MAPK10: variants seen among roughly 807,000 people sequenced by gnomAD.
The protein encoded by MAPK10 is JNK3 alpha protein kinase.
Under a neutral mutation model 59.3 loss-of-function variants are expected in MAPK10, and 25 were observed. That is an observed-to-expected ratio of 0.42 (90% confidence interval 0.31 to 0.59). The LOEUF (loss-of-function observed/expected upper bound fraction) is 0.59. MAPK10 is among the 20% of genes least tolerant of loss of function. MAPK10 has a pLI of 0.15. For missense variants in MAPK10, 351 were observed against 568.9 expected (o/e 0.62, Z 3.90); for synonymous variants, 190 against 200.5 (o/e 0.95, Z 0.44).
chr4:86,439,770 G>A (rs1749202184), intron 1 of MAPK10, among the ~76,000 whole-genome samples: 1 of 152,060 alleles, frequency 6.6e-6, no homozygotes, highest in African/African-American at 2.4e-5. Context: ...AGTCAGGTTT[G>A]TTTGTTTCTT....
At chr4:86,558,538 A>G (rs1401930864) in intron 1 of MAPK10, among the ~76,000 whole-genome samples, 2 of 152,288 alleles carry the variant, frequency 1.3e-5, no homozygotes, top group East Asian at 3.9e-4. Flanking sequence ...TGTGAGCTTC[A>G]AAACGGCTCA....
intron 1 of MAPK10, among the ~76,000 whole-genome samples, chr4:86,365,879 A>C (rs1737797964): frequency 6.6e-6 from 1 of 152,204 alleles, no homozygotes; most frequent in African/African-American, 2.4e-5. Context: ...AAGAGTCTTA[A>C]ATAAGTCAAT....
At chr4:86,510,672 A>G (rs567632351) in intron 1 of MAPK10, among the ~76,000 whole-genome samples, 1 of 152,274 alleles carries the variant, frequency 6.6e-6, no homozygotes, top group South Asian at 2.1e-4. Flanking sequence ...TGTCATGTAT[A>G]TAGATATACT....
At chr4:86,396,132 G>A (rs1742898137) in intron 1 of MAPK10, among the ~76,000 whole-genome samples, 2 of 152,200 alleles carry the variant, frequency 1.3e-5, no homozygotes, top group African/African-American at 2.4e-5. Context: ...GATCACCTGA[G>A]GCCAGGAGAT....
chr4:86,083,700 C>G (rs2051155172), intron 9 of MAPK10, among the ~76,000 whole-genome samples: 1 of 152,104 alleles, frequency 6.6e-6, no homozygotes, highest in African/African-American at 2.4e-5. Context: ...GGCATGTGAC[C>G]TACTGAGATA....
intron 2 of MAPK10, among the ~76,000 whole-genome samples, chr4:86,353,397 C>T (rs367686551): frequency 6.6e-6 from 1 of 152,132 alleles, no homozygotes; most frequent in Admixed American, 6.6e-5. Flanking sequence ...ATGGAGAGAA[C>T]ATGGTATGCT....
intron 1 of MAPK10, among the ~76,000 whole-genome samples, chr4:86,485,657 G>T (rs1396173815): frequency 2.0e-5 from 3 of 152,212 alleles, no homozygotes; most frequent in Non-Finnish European, 4.4e-5. Context: ...ACAGTAGATG[G>T]TATAGACTGA....
chr4:86,100,100 CTGAT>C (rs2055059256), intron 8 of MAPK10: 1 of 152,094 alleles, frequency 6.6e-6, no homozygotes, highest in Non-Finnish European at 1.5e-5. Context: ...TAAAAATACA[CTGAT>C]TATTTTTATA....
At chr4:86,588,560 T>G (rs983007508) in intron 1 of MAPK10, among the ~76,000 whole-genome samples, 2 of 152,168 alleles carry the variant, frequency 1.3e-5, no homozygotes, top group African/African-American at 4.8e-5. Flanking sequence ...GCATGGACAT[T>G]TATTTTGTTT....
At chr4:86,329,998 G>A (rs1204888313) in intron 2 of MAPK10, among the ~76,000 whole-genome samples, 4 of 152,088 alleles carry the variant, frequency 2.6e-5, no homozygotes, top group Admixed American at 2.0e-4. Flanking sequence ...CCTAATTCAG[G>A]AAAGTTCAGT....
chr4:86,362,242 G>A (rs1034213093), upstream of MAPK10, among the ~76,000 whole-genome samples: 1 of 152,060 alleles, frequency 6.6e-6, no homozygotes, highest in Non-Finnish European at 1.5e-5. Flanking sequence ...AAAAAGGAAC[G>A]CCATCTCTTA....
intron 1 of MAPK10, among the ~76,000 whole-genome samples, chr4:86,579,942 T>C (rs766457933): frequency 7.2e-5 from 11 of 152,116 alleles, no homozygotes; most frequent in Admixed American, 1.3e-4. Flanking sequence ...GCCTCCCAAG[T>C]AGTTGGGACT....
intron 2 of MAPK10, among the ~76,000 whole-genome samples, chr4:86,269,572 C>G (rs1441496845): frequency 6.6e-6 from 1 of 152,132 alleles, no homozygotes; most frequent in East Asian, 1.9e-4. Flanking sequence ...CACCTACTCT[C>G]TCGCCTCTAT....
chr4:86,261,125 C>T (rs764846709), intron 2 of MAPK10, among the ~76,000 whole-genome samples: 3 of 152,074 alleles, frequency 2.0e-5, no homozygotes, highest in Non-Finnish European at 4.4e-5. Context: ...AATGTTTTAG[C>T]GCTTTGCAAA....
chr4:86,073,230 G>A (rs1471652451), intron 9 of MAPK10, among the ~76,000 whole-genome samples: 2,028 of 135,042 alleles, frequency 0.015, 15 homozygotes, highest in African/African-American at 0.053. Flanking sequence ...CTGTGGGATC[G>A]GTGGTGATAT....
chr4:86,078,942 T>A (rs1413657709), intron 9 of MAPK10, among the ~76,000 whole-genome samples: 1 of 152,024 alleles, frequency 6.6e-6, no homozygotes, highest in African/African-American at 2.4e-5. Flanking sequence ...TAAGCAGAGG[T>A]AGCACCATTG....
Position 86,443,704 on chromosome 4 carries a change from C to T in MAPK10, c.-122+9326G>A, listed in dbSNP as rs1177948961. The stretch of plus-strand genomic sequence containing the variant: ...GTTCCTGCTACACAGTACATCACGT[C>T]CACCTTTCAGCAAACAGTCCAGGGC... On this transcript the variant is annotated intron_variant, in intron 1 of 13. Coordinates refer to the MAPK10 transcript ENST00000361569. 3.9e-5 allele frequency among the ~76,000 whole-genome samples: 6 copies of T among 152,290 alleles called. No individual in the cohort carries two copies. The East Asian group carries it at 1.2e-3, about 29-fold the overall frequency.
intron 13 of MAPK10, 51 bp downstream of exon 13, chr4:86,029,146 C>T: frequency 1.6e-6 from 2 of 1,288,920 alleles, no homozygotes; most frequent in Non-Finnish European, 2.3e-6. Context: ...ACACAAAGGC[C>T]AAGAAATTAC....
At chr4:86,548,124 T>A (rs971015346) in intron 1 of MAPK10, among the ~76,000 whole-genome samples, 1 of 152,070 alleles carries the variant, frequency 6.6e-6, no homozygotes, top group African/African-American at 2.4e-5. Flanking sequence ...CCACACTGCT[T>A]TTATGAGCTG....
Sources: allele counts gnomAD v4.1 joint callset (sites outside exome capture counted in the v4.1 genomes callset), GRCh38; gene constraint gnomAD v4.1.1; transcripts MANE v1.5; gene names NCBI Gene and HGNC (gene_info 2026-07-23, HGNC 2026-07-21).